Variants in PTPRD observed in about 807,000 individuals in gnomAD.
The protein encoded by PTPRD is receptor-type tyrosine-protein phosphatase delta.
In PTPRD, 34 loss-of-function variants were observed where a neutral mutation model predicts 214.5. That is an observed-to-expected ratio of 0.16 (90% CI 0.12 to 0.21). The LOEUF (loss-of-function observed/expected upper bound fraction) is 0.21. Among genes scored for constraint, PTPRD ranks in the 10% least tolerant of loss-of-function variants. The probability of loss-of-function intolerance (pLI) is 1.00; values close to 1 mark genes in which losing one functional copy is unlikely to be tolerated. For synonymous variants in PTPRD, 1,128 were observed against 845.7 expected, an observed-to-expected ratio of 1.33 and a Z score of -5.79; for missense variants, 2,545 against 2,398.7, an observed-to-expected ratio of 1.06 and a Z score of -1.27.
chr9:8,564,486 G>C (rs896122074), intron 14 of PTPRD, among the ~76,000 whole-genome samples: 1 of 152,004 alleles, frequency 6.6e-6, no homozygotes, highest in Non-Finnish European at 1.5e-5. Context: ...GATCACTTGA[G>C]GAGTTTGAGT....
intron 10 of PTPRD, among the ~76,000 whole-genome samples, chr9:9,062,590 A>G (rs1392503244): frequency 7.1e-6 from 1 of 140,122 alleles, no homozygotes; most frequent in East Asian, 1.9e-4. Flanking sequence ...CTACCTACCT[A>G]CCATCTATCT....
At chr9:8,359,515 G>C (rs996499356) in intron 39 of PTPRD, among the ~76,000 whole-genome samples, 11 of 151,984 alleles carry the variant, frequency 7.2e-5, no homozygotes, top group African/African-American at 2.7e-4. Context: ...TATAGTTTTA[G>C]TAGAGACAGG....
rs1447208462 is a variant in PTPRD, at chr9:9,358,597, A to G, written c.-203+38852T>C. ...GAGTATGTACTTGCTAACTATGCCA[A>G]TAGTCATAAAAGAACTGATTGGCTC... On this transcript the variant is annotated intron_variant, in intron 9 of 45. Coordinates refer to ENST00000381196, the MANE Select transcript of PTPRD (RefSeq NM_002839.4). Among the ~76,000 whole-genome samples, 2 of 151,270 alleles carry G rather than the reference A, an allele frequency of 1.3e-5. 1 individual carries two copies.
chr9:9,346,809 C>T (rs941314143), intron 9 of PTPRD, among the ~76,000 whole-genome samples: 3 of 152,126 alleles, frequency 2.0e-5, no homozygotes, highest in Non-Finnish European at 4.4e-5. Flanking sequence ...TCTCCTGCCT[C>T]AGCCTCTCAA....
rs143729551 is a variant in PTPRD, at chr9:9,220,194, T to A, written c.-202-36831A>T. Reference sequence around the variant, plus strand: ...ACTCATGCCTGTGACATTTTTAGAGTATTATAATAAATGGACACATTCAAA... The same window carrying A: ...ACTCATGCCTGTGACATTTTTAGAGAATTATAATAAATGGACACATTCAAA... On this transcript the variant is annotated intron_variant, in intron 9 of 45. Transcript: ENST00000381196. Among the ~76,000 whole-genome samples, 635 of 152,172 alleles carry A rather than the reference T, an allele frequency of 4.2e-3. 5 individuals carry two copies. Among genetic ancestry groups the A allele is most frequent in the Non-Finnish European group, 7.5e-3 (512 of 67,984 alleles).
At chr9:8,319,750 T>G in intron 45 of PTPRD, 81 bp downstream of exon 45, 79 of 1,524,888 alleles carry the variant, frequency 5.2e-5, no homozygotes, top group Non-Finnish European at 5.9e-5. Flanking sequence ...TGTCTGGTGT[T>G]GAGAGAGTAT....
At chr9:8,997,370 T>C (rs906405164) in intron 11 of PTPRD, among the ~76,000 whole-genome samples, 1 of 152,092 alleles carries the variant, frequency 6.6e-6, no homozygotes, top group African/African-American at 2.4e-5. Context: ...GTGTCACATT[T>C]AGGTAATTTT....
At chr9:9,606,609 T>C (rs772822021) in intron 7 of PTPRD, among the ~76,000 whole-genome samples, 2 of 152,000 alleles carry the variant, frequency 1.3e-5, no homozygotes, top group Non-Finnish European at 2.9e-5. Flanking sequence ...ATCATATAAA[T>C]TCTGTGGAAA....
rs76776846 is a variant in PTPRD, at chr9:8,551,596, G to A, written c.353-22817C>T. Among the ~76,000 whole-genome samples, 374 of 152,300 alleles carry A rather than the reference G, an allele frequency of 2.5e-3. 2 individuals carry two copies. Among genetic ancestry groups the A allele is most frequent in the Non-Finnish European group, 2.6e-3 (177 of 68,022 alleles). ...GAGCCTGAAGTACCAGTCATTTTAA[G>A]TAGCTTCAGATTACAACCTGTGTGG... On this transcript the variant is annotated intron_variant, in intron 14 of 45. Transcript: ENST00000381196.
intron 12 of PTPRD, among the ~76,000 whole-genome samples, chr9:8,676,854 G>A (rs1379312612): frequency 5.9e-5 from 9 of 152,172 alleles, no homozygotes; most frequent in Non-Finnish European, 4.4e-5. Flanking sequence ...GACTGCAGGC[G>A]TGAGCCACCG....
chr9:9,466,661 G>C (rs555291160), intron 8 of PTPRD, among the ~76,000 whole-genome samples: 92 of 152,232 alleles, frequency 6.0e-4, no homozygotes, highest in Middle Eastern at 3.4e-3. Flanking sequence ...TGTATGGATA[G>C]ACAACTTATT....
intron 2 of PTPRD, among the ~76,000 whole-genome samples, chr9:10,508,461 A>T (rs1411186180): frequency 6.6e-6 from 1 of 152,180 alleles, no homozygotes; most frequent in African/African-American, 2.4e-5. Flanking sequence ...TACCCAAAGG[A>T]TTATAAATCA....
At chr9:8,981,090 A>G (rs1265968271) in intron 11 of PTPRD, among the ~76,000 whole-genome samples, 1 of 151,898 alleles carries the variant, frequency 6.6e-6, no homozygotes, top group Non-Finnish European at 1.5e-5. Flanking sequence ...TCTTTCTTTT[A>G]TTTTCAAAAG....
At chr9:9,680,116 A>G (rs905896309) in intron 7 of PTPRD, among the ~76,000 whole-genome samples, 1 of 151,892 alleles carries the variant, frequency 6.6e-6, no homozygotes, top group African/African-American at 2.4e-5. Context: ...TGACAGTTAT[A>G]TGTCTCCTAA....
intron 10 of PTPRD, among the ~76,000 whole-genome samples, chr9:9,019,638 G>A (rs1408127207): frequency 2.0e-5 from 3 of 152,112 alleles, no homozygotes; most frequent in East Asian, 1.9e-4. Flanking sequence ...CCCAGGAGGC[G>A]GAGGTTGCGG....
chr9:9,905,684 C>A (rs114542387), intron 5 of PTPRD, among the ~76,000 whole-genome samples: 1 of 151,920 alleles, frequency 6.6e-6, no homozygotes, highest in Non-Finnish European at 1.5e-5. Context: ...TTTCCTACTG[C>A]GTAACTATAT....
At chr9:9,131,856 A>C (rs535013358) in intron 10 of PTPRD, among the ~76,000 whole-genome samples, 9 of 150,854 alleles carry the variant, frequency 6.0e-5, no homozygotes, top group African/African-American at 2.2e-4. Flanking sequence ...ACAACATTAA[A>C]ATTTTTAAAA....
At chr9:9,650,880 G>A (rs2096324677) in intron 7 of PTPRD, among the ~76,000 whole-genome samples, 1 of 151,614 alleles carries the variant, frequency 6.6e-6, no homozygotes, top group African/African-American at 2.4e-5. Flanking sequence ...TAAATAATTA[G>A]CTAAAATATA....
intron 9 of PTPRD, among the ~76,000 whole-genome samples, chr9:9,289,807 C>A (rs1950575806): frequency 6.6e-6 from 1 of 151,764 alleles, no homozygotes; most frequent in African/African-American, 2.4e-5. Context: ...TTCTTAAAGG[C>A]TGAATAGCAT....
Sources: allele counts gnomAD v4.1 joint callset (sites outside exome capture counted in the v4.1 genomes callset), GRCh38; gene constraint gnomAD v4.1.1; transcripts MANE v1.5; gene names NCBI Gene and HGNC (gene_info 2026-07-23, HGNC 2026-07-21).